The following RYK variants were observed in gnomAD, a reference collection of about 807,000 sequenced individuals.
RYK encodes inactive tyrosine-protein kinase RYK.
Under a neutral mutation model 70.2 loss-of-function variants are expected in RYK, and 21 were observed. That is an observed-to-expected ratio of 0.30 (90% CI 0.21 to 0.43). The LOEUF (loss-of-function observed/expected upper bound fraction) is 0.43. Ranked by LOEUF, RYK falls within the 20% of genes least tolerant of loss-of-function variation. RYK has a pLI of 1.00. For missense variants in RYK, 604 were observed against 753.3 expected, an observed-to-expected ratio of 0.80 and a Z score of 2.32; for synonymous variants, 267 against 278.0, an observed-to-expected ratio of 0.96 and a Z score of 0.39.
chr3:134,184,961 CAAAAAAAAA>C (rs34543975), intron 9 of RYK, among the ~76,000 whole-genome samples: 1 of 80,132 alleles, frequency 1.2e-5, no homozygotes, highest in Non-Finnish European at 2.5e-5. Flanking sequence ...CCCATCTCTA[CAAAAAAAAA>C]AAAAAAAAAA....
intron 1 of RYK, among the ~76,000 whole-genome samples, chr3:134,246,153 A>G (rs371910310): frequency 1.6e-4 from 25 of 152,212 alleles, no homozygotes; most frequent in African/African-American, 6.0e-4. Context: ...TCTAAAATTT[A>G]AAAACATGAT....
At chr3:134,191,307 T>C (rs1178174359) in intron 8 of RYK, among the ~76,000 whole-genome samples, 1 of 152,208 alleles carries the variant, frequency 6.6e-6, no homozygotes, top group South Asian at 2.1e-4. Flanking sequence ...TGTTCATTCA[T>C]TTACTGTACC....
At chr3:134,240,903 C>G (rs2015305854) in intron 1 of RYK, among the ~76,000 whole-genome samples, 1 of 152,214 alleles carries the variant, frequency 6.6e-6, no homozygotes, top group Non-Finnish European at 1.5e-5. Context: ...ATGACAATAT[C>G]TCATTCATTT....
chr3:134,171,002 G>C (rs1489795141), intron 13 of RYK: 1 of 152,736 alleles, frequency 6.5e-6, no homozygotes, highest in Non-Finnish European at 1.5e-5. Context: ...TGGCGCAAAA[G>C]GTCCCACTAA....
chr3:134,226,228 T>C (rs1291287111), intron 1 of RYK, among the ~76,000 whole-genome samples: 2 of 152,056 alleles, frequency 1.3e-5, no homozygotes, highest in Non-Finnish European at 2.9e-5. Context: ...ACAAATCCTA[T>C]AGATGTTAAA....
chr3:134,158,303 A>T (rs1384285016), intron 14 of RYK, 39 bp from the exon 15 acceptor site: 1 of 1,347,360 alleles, frequency 7.4e-7, no homozygotes, highest in South Asian at 1.4e-5. Flanking sequence ...GCTAGTAAGG[A>T]TACAGTATTC....
chr3:134,165,546 T>TA lies in RYK; in HGVS notation c.1576-6174dup, dbSNP rs551265056. ...ATGTCCAGAGGGACATGCCTCCTCT[T>TA]AGATGCCTCTTTAGGTCTGGTGTGC... is the stretch of plus-strand genomic sequence containing the variant. On this transcript the variant is annotated intron_variant, in intron 13 of 14. Coordinates refer to ENST00000623711, the MANE Select transcript of RYK (RefSeq NM_002958.4). Among the ~76,000 whole-genome samples the TA allele has an allele frequency of 7.2e-5, 11 of 152,318 alleles. No homozygotes were observed. In the East Asian group the frequency reaches 2.1e-3, roughly 29 times the overall value.
intron 1 of RYK, among the ~76,000 whole-genome samples, chr3:134,250,093 G>T (rs1176210921): frequency 6.6e-6 from 1 of 152,036 alleles, no homozygotes; most frequent in African/African-American, 2.4e-5. Context: ...AAAACTTCGT[G>T]CAGCAAGGAA....
chr3:134,248,646 G>A (rs959143104), intron 1 of RYK, among the ~76,000 whole-genome samples: 1 of 151,934 alleles, frequency 6.6e-6, no homozygotes, highest in African/African-American at 2.4e-5. Context: ...GTGAAACCCT[G>A]TCTCTACTAA....
chr3:134,243,190 G>A (rs896326562), intron 1 of RYK, among the ~76,000 whole-genome samples: 1 of 152,020 alleles, frequency 6.6e-6, no homozygotes, highest in Admixed American at 6.6e-5. Context: ...AAAAGGAAAG[G>A]GTCCTTTGGT....
At chr3:134,161,732 C>A (rs1370269590) in intron 13 of RYK, among the ~76,000 whole-genome samples, 2 of 152,034 alleles carry the variant, frequency 1.3e-5, no homozygotes, top group Middle Eastern at 3.2e-3. Flanking sequence ...ATCTATATAG[C>A]CCTACATCTA....
At chr3:134,219,313 C>T (rs1419501330) in intron 2 of RYK, among the ~76,000 whole-genome samples, 1 of 152,128 alleles carries the variant, frequency 6.6e-6, no homozygotes, top group Non-Finnish European at 1.5e-5. Context: ...TGAGCTCATT[C>T]CAAATAACAA....
At chr3:134,223,417 T>G (rs530191484) in intron 1 of RYK, among the ~76,000 whole-genome samples, 2 of 152,248 alleles carry the variant, frequency 1.3e-5, no homozygotes, top group South Asian at 4.1e-4. Flanking sequence ...AAGGCAAAAT[T>G]TAATCACTAC....
chr3:134,222,737 A>C (rs966757214), intron 1 of RYK, among the ~76,000 whole-genome samples, 198 bp from the exon 2 acceptor site: 12 of 152,096 alleles, frequency 7.9e-5, no homozygotes, highest in Non-Finnish European at 2.9e-5. Flanking sequence ...AGAAATTGAG[A>C]CTTGAAACAA....
At chr3:134,246,301 AATACACACACACACACAC>A (rs2015463670) in intron 1 of RYK, among the ~76,000 whole-genome samples, 1 of 103,664 alleles carries the variant, frequency 9.6e-6, no homozygotes, top group South Asian at 4.2e-4. Flanking sequence ...CTCAGAAAGA[AATACACACACACACACAC>A]ACACACACAC....
At chr3:134,212,819 C>T (rs1190477936) in intron 2 of RYK, among the ~76,000 whole-genome samples, 3 of 152,174 alleles carry the variant, frequency 2.0e-5, no homozygotes, top group Non-Finnish European at 4.4e-5. Context: ...ATAAGAAGGG[C>T]TCAGTCCAGA....
chr3:134,224,997 G>C (rs1450386133), intron 1 of RYK, among the ~76,000 whole-genome samples: 1 of 152,074 alleles, frequency 6.6e-6, no homozygotes, highest in Non-Finnish European at 1.5e-5. Flanking sequence ...TACTGGAACA[G>C]CTTGTGCCTT....
chr3:134,175,658 A>G lies in RYK; in HGVS notation c.1526T>C (p.Met509Thr). ...GDNENRPVRW[M>T]ALESLVNNEF... ...GTTATTAACCAGACTTTCAAGAGCC[A>G]TCCAACGAACTGGCCTGTTTTCATT... The change falls in exon 13 of 15, where the codon ATG becomes ACG. Residue 509 changes from methionine to threonine, a missense_variant. Coordinates refer to ENST00000623711, the MANE Select transcript of RYK (RefSeq NM_002958.4). 1.2e-6 allele frequency: 2 copies of G among 1,614,054 alleles called. No individual in the cohort carries two copies. Among genetic ancestry groups the G allele is most frequent in the East Asian group, 4.5e-5 (2 of 44,892 alleles).
rs2013645860 is a variant in RYK at position 134,191,723 on chromosome 3, C to T, written c.1015+126G>A. The T allele has an allele frequency of 7.2e-6, 5 of 698,090 alleles. No homozygotes were observed. In the South Asian group the frequency reaches 1.2e-4, roughly 17 times the overall value. 43.2% of individuals were successfully genotyped at this position (698,090 alleles called of 1,614,324 possible). On this transcript the variant is annotated intron_variant, in intron 8 of 14. Transcript: ENST00000623711. ...AAAATAATTTTTATAAAAGAAAAAC[C>T]ATACACTGCTTCCTATCCTTATCTT...
Sources: allele counts gnomAD v4.1 joint callset (sites outside exome capture counted in the v4.1 genomes callset), GRCh38; gene constraint gnomAD v4.1.1; transcripts MANE v1.5; gene names NCBI Gene and HGNC (gene_info 2026-07-23, HGNC 2026-07-21).